The following TEX2 variants were observed in gnomAD, a reference collection of about 807,000 sequenced individuals.
TEX2 encodes the protein testis-expressed protein 2.
A neutral mutation model predicts 106.9 loss-of-function variants in TEX2; 53 were observed. The ratio of observed to expected loss-of-function variants is 0.50; its 90% CI spans 0.40 to 0.62. The LOEUF (loss-of-function observed/expected upper bound fraction) is 0.62. Ranked by LOEUF, TEX2 falls within the 20% of genes least tolerant of loss-of-function variation. The pLI, the probability that TEX2 is intolerant of heterozygous loss-of-function variation, is 0.00. For synonymous variants in TEX2, 523 were observed against 534.8 expected (o/e 0.98, Z 0.30); for missense variants, 1,207 against 1,379.0 (o/e 0.88, Z 1.98).
chr17:64,239,904 A>AAAAAAAAAAAAAAAAAG (rs781859721), intron 1 of TEX2, among the ~76,000 whole-genome samples: 6 of 118,846 alleles, frequency 5.0e-5, no homozygotes, highest in African/African-American at 9.6e-5. Context: ...AAAAAAAAAA[A>AAAAAAAAAAAAAAAAAG]GCAGAGAAGA....
At chr17:64,165,584 G>A (rs1201651654) in intron 7 of TEX2, among the ~76,000 whole-genome samples, 1 of 152,258 alleles carries the variant, frequency 6.6e-6, no homozygotes. Flanking sequence ...GCCCTCTGAT[G>A]TCACTCTTGA....
intron 4 of TEX2, among the ~76,000 whole-genome samples, chr17:64,191,287 A>G (rs1399783432): frequency 6.6e-6 from 1 of 152,146 alleles, no homozygotes; most frequent in Non-Finnish European, 1.5e-5. Context: ...CCAAAAATTG[A>G]ACTCGTTAAA....
At position 64,213,269 on chromosome 17, in the gene TEX2, T is replaced by C. The variant is rs2033069427; in HGVS notation, c.949A>G (p.Arg317Gly). 1 of 1,614,066 alleles carries C rather than the reference T, an allele frequency of 6.2e-7. No individual in the cohort carries two copies. The highest frequency in any genetic ancestry group is 1.1e-5 in the South Asian group (1 of 91,086). ...KIIGEESGSH[R>G]PKALSSSASE... ...GCACTTGAAGATAAGGCTTTGGGCC[T>C]ATGGCTGCCACTTTCTTCCCCTATA... The change falls in exon 2 of 12, where the codon AGG (arginine) becomes GGG (glycine). Residue 317 changes from arginine to glycine, a missense_variant. Arg to Gly is a moderately radical substitution (Grantham distance 125). This residue lies in a region of TEX2 where 1,067 missense variants were observed against 1,193.6 expected (regional missense o/e 0.89). Coordinates refer to ENST00000584379, the MANE Select transcript of TEX2 (RefSeq NM_001288732.2). The surrounding 1 kb of genome is among the most constrained non-coding windows in gnomAD (Gnocchi z 4.4).
chr17:64,260,106 T>C (rs901488343), intron 1 of TEX2, among the ~76,000 whole-genome samples: 3 of 152,184 alleles, frequency 2.0e-5, no homozygotes, highest in Admixed American at 6.5e-5. Context: ...CAGTAAAAGA[T>C]TTCCCAATAG....
Position 64,192,252 on chromosome 17 carries a change from G to A in TEX2, c.2176+1307C>T, listed in dbSNP as rs183735054. 3.5e-3 allele frequency among the ~76,000 whole-genome samples: 534 copies of A among 152,302 alleles called. 3 individuals are homozygous for A. Among genetic ancestry groups the A allele is most frequent in the Non-Finnish European group, 5.1e-3 (349 of 68,018 alleles). ...GTATCTCAGAATGTGACCTTATTTG[G>A]AAACAGAGTCATTGTAGATGCCATT... On this transcript the variant is annotated intron_variant, in intron 4 of 11. Transcript: ENST00000584379.
intron 1 of TEX2, among the ~76,000 whole-genome samples, chr17:64,259,361 A>G (rs1940889063): frequency 6.6e-6 from 1 of 152,238 alleles, no homozygotes; most frequent in South Asian, 2.1e-4. Context: ...GAAAGGAGCA[A>G]CACAAAATCT....
chr17:64,150,071 TAA>T (rs1341782058), intron 11 of TEX2: 2 of 152,172 alleles, frequency 1.3e-5, no homozygotes, highest in Non-Finnish European at 2.9e-5. Context: ...AGTTTTTAAA[TAA>T]GAGGATTTTT....
rs2032042531 is a variant in TEX2 at position 64,185,558 on chromosome 17, T to C, written c.2424+2610A>G. Among the ~76,000 whole-genome samples the C allele has an allele frequency of 6.6e-6, 1 of 152,170 alleles. No homozygotes were observed. The highest frequency in any genetic ancestry group is 2.4e-5 in the African/African-American group (1 of 41,434). ...CCCCCAAAATAGTGATATTTTCTAA[T>C]TCAAATTTTCAGCACCACTGCACTC... On this transcript the variant is annotated intron_variant, in intron 5 of 11. Transcript: ENST00000584379. The surrounding 1 kb of genome is among the most constrained non-coding windows in gnomAD (Gnocchi z 4.0).
At chr17:64,233,143 A>C (rs2033693017) in intron 1 of TEX2, among the ~76,000 whole-genome samples, 1 of 152,124 alleles carries the variant, frequency 6.6e-6, no homozygotes, top group African/African-American at 2.4e-5. Flanking sequence ...AGTCATCATA[A>C]GCCTATATGT....
chr17:64,223,713 CTTT>C (rs34897234), intron 1 of TEX2, among the ~76,000 whole-genome samples: 6 of 110,754 alleles, frequency 5.4e-5, no homozygotes, highest in Non-Finnish European at 7.1e-5. Context: ...AACAGAGCAT[CTTT>C]TTTTTTTTTT....
chr17:64,212,301 T>C (rs977628499), intron 2 of TEX2, among the ~76,000 whole-genome samples: 60 of 152,174 alleles, frequency 3.9e-4, no homozygotes, highest in African/African-American at 1.4e-3. Context: ...CAAGTAAGTT[T>C]AGAGACAGAC....
At chr17:64,220,055 T>C (rs906276248) in intron 1 of TEX2, among the ~76,000 whole-genome samples, 1 of 152,116 alleles carries the variant, frequency 6.6e-6, no homozygotes, top group South Asian at 2.1e-4. Flanking sequence ...ATCAGAGTAA[T>C]GAGAGCAAGG....
chr17:64,162,676 C>A (rs1397380750), intron 7 of TEX2, among the ~76,000 whole-genome samples: 1 of 152,204 alleles, frequency 6.6e-6, no homozygotes, highest in African/African-American at 2.4e-5. Context: ...GGTCCAGCGT[C>A]CCTGCCAGGA....
intron 2 of TEX2, among the ~76,000 whole-genome samples, chr17:64,211,022 C>T (rs782755112): frequency 6.6e-6 from 1 of 152,126 alleles, no homozygotes; most frequent in Non-Finnish European, 1.5e-5. Context: ...AGTGCAGTGG[C>T]GCAATCTCAG....
chr17:64,173,218 T>TA (rs1479193521), intron 6 of TEX2, among the ~76,000 whole-genome samples: 2 of 152,324 alleles, frequency 1.3e-5, no homozygotes, highest in East Asian at 3.9e-4. Context: ...TTTAGCTTTA[T>TA]AATACACTTT....
intron 5 of TEX2, among the ~76,000 whole-genome samples, chr17:64,184,355 G>A (rs2031997212): frequency 6.6e-6 from 1 of 152,054 alleles, no homozygotes. Flanking sequence ...TCCTGCCTTG[G>A]CCTCCCAAAG....
In TEX2 at chr17:64,263,201, C is replaced by G. The variant is rs1395880758; in HGVS notation, c.-59G>C. On this transcript the variant is annotated 5_prime_UTR_variant, in exon 1 of 12. Transcript: ENST00000584379. ...CGCTGGCTGCCTCATTGTACTATGC[C>G]GGCGCCCGTGCTCCCGGCCGCGCGA... is the stretch of plus-strand genomic sequence containing the variant. 2 of 151,634 alleles carry G rather than the reference C, an allele frequency of 1.3e-5. No individual in the cohort carries two copies. The highest frequency in any genetic ancestry group is 2.9e-5 in the Non-Finnish European group (2 of 67,846). 9.4% of individuals were successfully genotyped at this position (151,634 alleles called of 1,614,324 possible).
chr17:64,219,421 G>A (rs1193390102), intron 1 of TEX2, among the ~76,000 whole-genome samples: 1 of 151,856 alleles, frequency 6.6e-6, no homozygotes, highest in African/African-American at 2.4e-5. Context: ...CACAAGAATC[G>A]CTTGAAACTG....
chr17:64,190,551 C>T (rs1019746731), intron 4 of TEX2, among the ~76,000 whole-genome samples: 4 of 150,788 alleles, frequency 2.7e-5, no homozygotes, highest in Admixed American at 6.6e-5. Context: ...TTCACATCAC[C>T]TCACCCTTCC....
Sources: gnomAD v4.1 joint callset for allele counts (sites outside exome capture counted in the v4.1 genomes callset) on GRCh38, gnomAD v4.1.1 for gene constraint, gnomAD v4.1.1 regional missense constraint, Gnocchi (gnomAD v3.1) non-coding constraint, MANE v1.5 for transcripts, NCBI Gene and HGNC (gene_info 2026-07-23, HGNC 2026-07-21) for gene names.